Variants in UACA observed in about 807,000 individuals in gnomAD.
UACA encodes the protein nuclear membrane binding protein.
Under a neutral mutation model 160.5 loss-of-function variants are expected in UACA, and 112 were observed. The ratio of observed to expected loss-of-function variants is 0.70; its 90% CI spans 0.60 to 0.82. The LOEUF (loss-of-function observed/expected upper bound fraction) is 0.82. Among genes scored for constraint, UACA ranks in the 40% least tolerant of loss-of-function variants. UACA has a pLI of 0.00. For missense variants in UACA, 1,574 were observed against 1,614.6 expected (o/e 0.97, Z 0.43); for synonymous variants, 557 against 568.4 (o/e 0.98, Z 0.29).
At chr15:70,749,698 C>CAAAAAAAAAAAAAAAAAAAAAAAAAA (rs11292883) in intron 1 of UACA, among the ~76,000 whole-genome samples, 5 of 70,046 alleles carry the variant, frequency 7.1e-5, no homozygotes, top group African/African-American at 2.6e-4. Context: ...GACTCCGTCT[C>CAAAAAAAAAAAAAAAAAAAAAAAAAA]AAAAAAAAAA....
rs1896452989 is a variant in UACA at position 70,655,427 on chromosome 15, C to T, written c.*1629G>A. 6.6e-6 allele frequency: 1 copy of T among 152,104 alleles called. No homozygotes were observed. The highest frequency in any genetic ancestry group is 2.4e-5 in the African/African-American group (1 of 41,386). The allele number at this position is 152,104 out of a possible 1,614,324, so 9.4% of individuals were successfully genotyped here. A position where few individuals can be genotyped will look rare whatever the true frequency, so the allele number is the denominator to read the frequency against. ...ATTTTTAGTAGAGATGGGGCTTCAC[C>T]ATATTGGTAAGGCTGGTCTCGAACT... On this transcript the variant is annotated 3_prime_UTR_variant, in exon 19 of 19. Coordinates refer to ENST00000322954, the MANE Select transcript of UACA (RefSeq NM_018003.4).
At position 70,671,039 on chromosome 15, in the gene UACA, CTG is replaced by C. The variant is rs1566967325; in HGVS notation, c.1219_1220del (p.Gln407ValfsTer31). On this transcript the variant is annotated frameshift_variant and splice_region_variant, in exon 15 of 19. Coordinates refer to ENST00000322954, the MANE Select transcript of UACA (RefSeq NM_018003.4). LOFTEE classifies it high-confidence loss of function. The part of the protein sequence containing the change: ...KQGQMYMADS[Q>X]CTSPGIPAHM... ...AATTAAAAAAAAAAACAGTTATTAC[CTG>C]TGAGTCTGCCATATACATCTGACCT... is the stretch of plus-strand genomic sequence containing the variant. 1 of 1,537,252 alleles carries C rather than the reference CTG, an allele frequency of 6.5e-7. No individual in the cohort carries two copies. Among genetic ancestry groups the C allele is most frequent in the East Asian group, 2.3e-5 (1 of 43,588 alleles).
At chr15:70,744,019 C>A (rs1024668128) in intron 1 of UACA, among the ~76,000 whole-genome samples, 29 of 151,854 alleles carry the variant, frequency 1.9e-4, no homozygotes, top group Admixed American at 1.8e-3. Flanking sequence ...CCGAGACGGG[C>A]GGATCACGAG....
chr15:70,656,470 A>G lies in UACA; in HGVS notation c.*586T>C, dbSNP rs1896476189. 6.6e-6 allele frequency: 1 copy of G among 152,230 alleles called. No homozygotes were observed. Among genetic ancestry groups the G allele is most frequent in the South Asian group, 2.1e-4 (1 of 4,832 alleles). The allele number at this position is 152,230 out of a possible 1,614,324, so 9.4% of individuals were successfully genotyped here. A position where few individuals can be genotyped will look rare whatever the true frequency, so the allele number is the denominator to read the frequency against. ...AATTTAGCACTGCAAACCATTTATG[A>G]AAATAAATTTATTTTAAAAGGCATA... On this transcript the variant is annotated 3_prime_UTR_variant, in exon 19 of 19. Transcript: ENST00000322954.
At position 70,708,723 on chromosome 15, in the gene UACA, G is replaced by A. The variant is rs147355197; in HGVS notation, c.79-9063C>T. The stretch of plus-strand genomic sequence containing the variant: ...TGACCTCAAGTGATCTGCCCACGTC[G>A]GCCTCCCAAAGTGCTAGGATTACAG... On this transcript the variant is annotated intron_variant, in intron 1 of 18. Coordinates refer to ENST00000322954, the MANE Select transcript of UACA (RefSeq NM_018003.4). Among the ~76,000 whole-genome samples, 6 of 152,132 alleles carry A rather than the reference G, an allele frequency of 3.9e-5. No individual in the cohort carries two copies. The East Asian group carries it at 7.7e-4, about 20-fold the overall frequency.
At chr15:70,664,451 G>A (rs575577888) in intron 17 of UACA, among the ~76,000 whole-genome samples, 4 of 152,256 alleles carry the variant, frequency 2.6e-5, no homozygotes, top group South Asian at 2.1e-4. Context: ...GATAAAGTAC[G>A]TAAAATGTTT....
At chr15:70,704,873 AGAC>A (rs1898480165) in intron 1 of UACA, among the ~76,000 whole-genome samples, 1 of 152,202 alleles carries the variant, frequency 6.6e-6, no homozygotes, top group Non-Finnish European at 1.5e-5. Context: ...AGATTCAGAG[AGAC>A]CCCAGGGATG....
chr15:70,671,040 T>A lies in UACA; in HGVS notation c.1220A>T (p.Gln407Leu). The stretch of plus-strand genomic sequence containing the variant: ...ATTAAAAAAAAAAACAGTTATTACC[T>A]GTGAGTCTGCCATATACATCTGACC... The part of the protein sequence containing the change: ...KQGQMYMADS[Q>L]CTSPGIPAHM... Residue 407 changes from glutamine (Q) to leucine (L), a missense_variant and splice_region_variant, in exon 15 of 19, where the codon CAG becomes CTG. Gln to Leu is a moderately radical substitution (Grantham distance 113, BLOSUM62 -2). Coordinates refer to ENST00000322954, the MANE Select transcript of UACA (RefSeq NM_018003.4). 1.3e-6 allele frequency: 2 copies of A among 1,540,774 alleles called. No homozygotes were observed. The highest frequency in any genetic ancestry group is 1.7e-6 in the Non-Finnish European group (2 of 1,146,690).
chr15:70,699,112 G>A (rs1414181419), intron 2 of UACA, among the ~76,000 whole-genome samples: 3 of 152,084 alleles, frequency 2.0e-5, no homozygotes, highest in Non-Finnish European at 2.9e-5. Flanking sequence ...AGAACTCTTC[G>A]AAGACACAAA....
chr15:70,761,594 G>A (rs2030757098), intron 1 of UACA, among the ~76,000 whole-genome samples: 1 of 152,128 alleles, frequency 6.6e-6, no homozygotes, highest in African/African-American at 2.4e-5. Flanking sequence ...TTCATTCTAA[G>A]TTTTATTCCT....
chr15:70,723,576 T>C (rs1052297467), intron 1 of UACA, among the ~76,000 whole-genome samples: 1 of 152,064 alleles, frequency 6.6e-6, no homozygotes, highest in Non-Finnish European at 1.5e-5. Context: ...GGTACAGTGC[T>C]ACTCCCTTTG....
intron 1 of UACA, among the ~76,000 whole-genome samples, chr15:70,724,758 T>C (rs1310690349): frequency 3.3e-5 from 5 of 151,986 alleles, no homozygotes; most frequent in Non-Finnish European, 5.9e-5. Flanking sequence ...AAGCACATAG[T>C]AAATTTTCAT....
At chr15:70,774,094 T>C in the UACA span, among the ~76,000 whole-genome samples, 19 of 152,180 alleles carry the variant, frequency 1.2e-4, no homozygotes, top group African/African-American at 4.6e-4. Context: ...ACACAATCAC[T>C]AAAGTTTATT....
At chr15:70,691,420 A>G in intron 3 of UACA, 57 bp from the exon 4 acceptor site, 1 of 1,272,712 alleles carries the variant, frequency 7.9e-7, no homozygotes, top group Non-Finnish European at 1.1e-6. Context: ...TAAATTGAGG[A>G]TTTTTATAGA....
At chr15:70,677,256 G>A in intron 11 of UACA, 116 bp from the exon 12 acceptor site, 1 of 672,668 alleles carries the variant, frequency 1.5e-6, no homozygotes, top group African/African-American at 1.9e-5. Context: ...TAGGGCCAAG[G>A]ATATGAGAAG....
At chr15:70,657,231 C>CT in intron 18 of UACA, 104 bp from the exon 19 acceptor site, 1 of 863,532 alleles carries the variant, frequency 1.2e-6, no homozygotes, top group Non-Finnish European at 1.9e-6. Flanking sequence ...ATTGATTCAT[C>CT]AAATGCTAAA....
chr15:70,756,971 T>G (rs1342607836), intron 1 of UACA, among the ~76,000 whole-genome samples: 1 of 152,232 alleles, frequency 6.6e-6, no homozygotes, highest in African/African-American at 2.4e-5. Context: ...TCATCAAGTA[T>G]CCAGCTGATG....
At chr15:70,690,157 T>A (rs1298374070) in intron 5 of UACA, among the ~76,000 whole-genome samples, 1 of 149,594 alleles carries the variant, frequency 6.7e-6, no homozygotes, top group Admixed American at 6.7e-5. Flanking sequence ...TCTGTTTCCC[T>A]CTCTCTCTCT....
At chr15:70,745,668 A>T (rs1267047670) in intron 1 of UACA, among the ~76,000 whole-genome samples, 1 of 152,176 alleles carries the variant, frequency 6.6e-6, no homozygotes, top group African/African-American at 2.4e-5. Context: ...ATCCTAAGCA[A>T]AAAGAACAAA....
Sources: gnomAD v4.1 joint callset for allele counts (sites outside exome capture counted in the v4.1 genomes callset) on GRCh38, gnomAD v4.1.1 for gene constraint, MANE v1.5 for transcripts, NCBI Gene and HGNC (gene_info 2026-07-23, HGNC 2026-07-21) for gene names.